The following STX5 variants were observed in gnomAD, a reference collection of about 807,000 sequenced individuals.
The protein encoded by STX5 is syntaxin 5.
In STX5, 15 loss-of-function variants were observed where a neutral mutation model predicts 42.9. The ratio of observed to expected loss-of-function variants is 0.35; its 90% CI spans 0.23 to 0.54. The LOEUF (loss-of-function observed/expected upper bound fraction) is 0.54, where lower values mean the gene tolerates loss of function less well. STX5 is among the 20% of genes least tolerant of loss of function. The pLI, the probability that STX5 is intolerant of heterozygous loss-of-function variation, is 0.91. For synonymous variants in STX5, 184 were observed against 173.2 expected, an observed-to-expected ratio of 1.06 and a Z score of -0.49; for missense variants, 430 against 455.0, an observed-to-expected ratio of 0.95 and a Z score of 0.50.
Position 62,827,391 on chromosome 11 carries a change from C to T in STX5, c.304G>A (p.Gly102Arg). Residue 102 changes from glycine to arginine, a missense_variant, in exon 4 of 11, where the codon GGG becomes AGG. Gly to Arg is a moderately radical substitution (Grantham distance 125, BLOSUM62 -2). Transcript: ENST00000294179. Reference protein sequence around the residue: ...SEFTLMAKRIGKDLSNTFAKL... With the variant: ...SEFTLMAKRIRKDLSNTFAKL... ...GCAAATGTGTTGCTAAGGTCTTTCC[C>T]AATGCGCCTGCAAATGACCACTAGT... The T allele has an allele frequency of 6.2e-7, 1 of 1,614,180 alleles. No individual in the cohort carries two copies. Among genetic ancestry groups the T allele is most frequent in the Non-Finnish European group, 8.5e-7 (1 of 1,180,044 alleles).
intron 1 of STX5, 101 bp from the exon 2 acceptor site, chr11:62,831,363 C>G: frequency 2.3e-6 from 2 of 883,168 alleles, no homozygotes; most frequent in South Asian, 2.8e-5. Context: ...CTGCACTTCT[C>G]GTGGACTTTC....
rs1396454461 is a variant in STX5 at position 62,832,021 on chromosome 11, C to A, written c.-87G>T. On this transcript the variant is annotated 5_prime_UTR_variant, in exon 1 of 11. Coordinates refer to ENST00000294179, the MANE Select transcript of STX5 (RefSeq NM_003164.5). ...CGGCCGTCACTGCCTCCTCCCCGAGCACTGAAGCCGCCGAAACCCGACCAA... is the reference window on the plus strand; with the variant it reads ...CGGCCGTCACTGCCTCCTCCCCGAGAACTGAAGCCGCCGAAACCCGACCAA... 1.0e-5 allele frequency: 5 copies of A among 476,996 alleles called. No individual in the cohort carries two copies. Among genetic ancestry groups the A allele is most frequent in the Non-Finnish European group, 2.1e-5 (5 of 241,436 alleles). 29.5% of individuals were successfully genotyped at this position (476,996 alleles called of 1,614,324 possible).
chr11:62,807,965 AAATGTTAGTTAC>A, intron 10 of STX5: 1 of 257,058 alleles, frequency 3.9e-6, no homozygotes. Flanking sequence ...AGAGCCCCGA[AAATGTTAGTTAC>A]AATTTTTCCT....
At chr11:62,809,919 T>C (rs2084597785) in intron 10 of STX5, among the ~76,000 whole-genome samples, 1 of 151,118 alleles carries the variant, frequency 6.6e-6, no homozygotes, top group Non-Finnish European at 1.5e-5. Context: ...CTGACCAACA[T>C]AGTGAAAACC....
intron 2 of STX5, among the ~76,000 whole-genome samples, chr11:62,828,141 G>T (rs2084815959): frequency 4.6e-5 from 7 of 151,602 alleles, no homozygotes; most frequent in South Asian, 4.2e-4. Flanking sequence ...TTGAGACAGG[G>T]TCTCACTCTG....
At chr11:62,821,751 G>A (rs185150392) in intron 10 of STX5, among the ~76,000 whole-genome samples, 1 of 151,832 alleles carries the variant, frequency 6.6e-6, no homozygotes, top group Non-Finnish European at 1.5e-5. Context: ...ATTAACACCG[G>A]GCATGGTGGC....
At chr11:62,812,329 G>A (rs1194683507) in intron 10 of STX5, among the ~76,000 whole-genome samples, 7 of 151,888 alleles carry the variant, frequency 4.6e-5, no homozygotes, top group Non-Finnish European at 7.4e-5. Context: ...CGCCCGCCTC[G>A]GCCTCCCAAA....
In STX5 at chr11:62,807,287, G is replaced by T; in HGVS notation, c.*182C>A. 2.4e-6 allele frequency: 2 copies of T among 844,506 alleles called. No individual in the cohort carries two copies. The highest frequency in any genetic ancestry group is 3.5e-6 in the Non-Finnish European group (2 of 567,324). 52.3% of individuals were successfully genotyped at this position (844,506 alleles called of 1,614,324 possible). On this transcript the variant is annotated 3_prime_UTR_variant, in exon 11 of 11. Transcript: ENST00000294179. ...GTGTTTCATAGGCCTGAGGGTGGTG[G>T]GGGGAGGACAGGGTGGCCAGAGGCA...
chr11:62,812,310 C>G (rs2084625944), intron 10 of STX5, among the ~76,000 whole-genome samples: 1 of 151,834 alleles, frequency 6.6e-6, no homozygotes, highest in Non-Finnish European at 1.5e-5. Context: ...CTCTGGACCT[C>G]AGGTGGTCCG....
At chr11:62,823,987 C>T in intron 10 of STX5, 179 bp downstream of exon 10, 1 of 925,200 alleles carries the variant, frequency 1.1e-6, no homozygotes, top group South Asian at 1.6e-5. Flanking sequence ...CAGTGCCTCA[C>T]ATGAACAGGT....
intron 10 of STX5, among the ~76,000 whole-genome samples, chr11:62,822,127 C>T (rs1256914845): frequency 1.3e-5 from 2 of 152,140 alleles, no homozygotes; most frequent in African/African-American, 4.8e-5. Flanking sequence ...CTTTGGGAGG[C>T]CAAGGTGGAC....
At chr11:62,831,399 G>C in intron 1 of STX5, 137 bp from the exon 2 acceptor site, 1 of 716,728 alleles carries the variant, frequency 1.4e-6, no homozygotes, top group East Asian at 2.7e-5. Flanking sequence ...GCAAATCCTG[G>C]GGCGGACCAG....
At chr11:62,831,352 T>G in intron 1 of STX5, 90 bp from the exon 2 acceptor site, 1 of 984,096 alleles carries the variant, frequency 1.0e-6, no homozygotes, top group Admixed American at 2.0e-5. Context: ...CCGAGCCCCT[T>G]CTGCACTTCT....
chr11:62,821,814 T>TC (rs2084743392), intron 10 of STX5, among the ~76,000 whole-genome samples: 1 of 151,926 alleles, frequency 6.6e-6, no homozygotes, highest in Non-Finnish European at 1.5e-5. Context: ...GATCATGACA[T>TC]CAAGAGATTA....
chr11:62,807,668 T>A, intron 10 of STX5, 40 bp from the exon 11 acceptor site: 1 of 1,610,278 alleles, frequency 6.2e-7, no homozygotes, highest in South Asian at 1.1e-5. Flanking sequence ...AAAAGGACAC[T>A]GGATTAAAAA....
At chr11:62,823,634 C>T (rs2084763232) in intron 10 of STX5, among the ~76,000 whole-genome samples, 1 of 152,178 alleles carries the variant, frequency 6.6e-6, no homozygotes, top group Admixed American at 6.6e-5. Flanking sequence ...CAACCTCTGC[C>T]TCCCAGGCTC....
At chr11:62,815,179 T>C (rs888081993) in intron 10 of STX5, among the ~76,000 whole-genome samples, 1 of 151,942 alleles carries the variant, frequency 6.6e-6, no homozygotes, top group African/African-American at 2.4e-5. Context: ...AGTTAATTTT[T>C]CTGTTTTCAG....
At chr11:62,811,361 T>C (rs2084614820) in intron 10 of STX5, among the ~76,000 whole-genome samples, 1 of 152,192 alleles carries the variant, frequency 6.6e-6, no homozygotes, top group African/African-American at 2.4e-5. Context: ...TCACCCAGCA[T>C]CAATCCGCTT....
Position 62,827,394 on chromosome 11 carries a change from T to A in STX5, c.301A>T (p.Ile101Phe). The change falls in exon 4 of 11, where the codon ATT becomes TTT. Residue 101 changes from isoleucine to phenylalanine, a missense_variant. Ile to Phe is a conservative substitution (Grantham distance 21). Coordinates refer to ENST00000294179, the MANE Select transcript of STX5 (RefSeq NM_003164.5). ...RSEFTLMAKR[I>F]GKDLSNTFAK... ...AATGTGTTGCTAAGGTCTTTCCCAA[T>A]GCGCCTGCAAATGACCACTAGTCAG... 6.2e-7 allele frequency: 1 copy of A among 1,614,198 alleles called. No individual in the cohort carries two copies. Among genetic ancestry groups the A allele is most frequent in the Non-Finnish European group, 8.5e-7 (1 of 1,180,044 alleles).
Sources: allele counts gnomAD v4.1 joint callset (sites outside exome capture counted in the v4.1 genomes callset), GRCh38; gene constraint gnomAD v4.1.1; transcripts MANE v1.5; gene names NCBI Gene and HGNC (gene_info 2026-07-23, HGNC 2026-07-21).